Variants in CADPS2 observed in about 807,000 individuals in gnomAD.
The protein encoded by CADPS2 is calcium-dependent secretion activator 2.
A neutral mutation model predicts 172.5 loss-of-function variants in CADPS2; 93 were observed. The ratio of observed to expected loss-of-function variants is 0.54; its 90% confidence interval spans 0.46 to 0.64. The LOEUF is 0.64. Ranked by LOEUF, CADPS2 falls within the 30% of genes least tolerant of loss-of-function variation. The pLI is 0.00. For synonymous variants in CADPS2, 546 were observed against 555.2 expected, an observed-to-expected ratio of 0.98 and a Z score of 0.23; for missense variants, 1,420 against 1,565.9, an observed-to-expected ratio of 0.91 and a Z score of 1.57.
intron 7 of CADPS2, among the ~76,000 whole-genome samples, chr7:122,561,452 T>C (rs1454061686): frequency 6.6e-6 from 1 of 152,118 alleles, no homozygotes; most frequent in African/African-American, 2.4e-5. Context: ...AGATCAAGAT[T>C]AGAAGCTTTG....
chr7:122,516,143 T>A (rs1469631759), intron 8 of CADPS2, among the ~76,000 whole-genome samples: 1 of 152,138 alleles, frequency 6.6e-6, no homozygotes, highest in Non-Finnish European at 1.5e-5. Flanking sequence ...AAGGTAAGCA[T>A]TTAAATGATG....
At chr7:122,577,715 A>C (rs1479715262) in intron 7 of CADPS2, among the ~76,000 whole-genome samples, 1 of 152,146 alleles carries the variant, frequency 6.6e-6, no homozygotes, top group Admixed American at 6.6e-5. Context: ...TCTATGTTTA[A>C]CTTTATACAA....
chr7:122,540,447 TA>T (rs2062796173), intron 8 of CADPS2, among the ~76,000 whole-genome samples: 1 of 152,132 alleles, frequency 6.6e-6, no homozygotes, highest in Non-Finnish European at 1.5e-5. Flanking sequence ...TTCTTAACCA[TA>T]GATCATTTTA....
intron 25 of CADPS2, among the ~76,000 whole-genome samples, chr7:122,377,735 T>A (rs930753217): frequency 2.6e-5 from 4 of 152,106 alleles, no homozygotes; most frequent in African/African-American, 7.2e-5. Context: ...CTTCCCCCCA[T>A]GGTTTTCCTA....
chr7:122,478,988 T>C (rs1287065853), intron 12 of CADPS2, among the ~76,000 whole-genome samples: 3 of 152,120 alleles, frequency 2.0e-5, no homozygotes, highest in African/African-American at 2.4e-5. Flanking sequence ...CAAATTCTTA[T>C]GGTACTGCAT....
At chr7:122,498,382 A>G (rs1300858283) in intron 9 of CADPS2, among the ~76,000 whole-genome samples, 1 of 152,162 alleles carries the variant, frequency 6.6e-6, no homozygotes, top group Non-Finnish European at 1.5e-5. Context: ...ATAATTCATG[A>G]CTATATCAAT....
At chr7:122,823,332 C>T (rs954819625) in intron 1 of CADPS2, among the ~76,000 whole-genome samples, 11 of 152,126 alleles carry the variant, frequency 7.2e-5, no homozygotes, top group South Asian at 2.1e-4. Context: ...TGTATAGATC[C>T]GAGTCTATCT....
chr7:122,635,042 T>G (rs2134308002), intron 3 of CADPS2, among the ~76,000 whole-genome samples: 1 of 152,294 alleles, frequency 6.6e-6, no homozygotes, highest in East Asian at 1.9e-4. Flanking sequence ...ATATTTTGAA[T>G]TTATTGAGAC....
chr7:122,744,534 C>T (rs1483704525), intron 1 of CADPS2, among the ~76,000 whole-genome samples: 1 of 151,980 alleles, frequency 6.6e-6, no homozygotes, highest in African/African-American at 2.4e-5. Flanking sequence ...ATAAACTTGC[C>T]CCAGCGAACA....
chr7:122,582,792 G>A (rs911332451), intron 6 of CADPS2, among the ~76,000 whole-genome samples: 2 of 151,896 alleles, frequency 1.3e-5, no homozygotes, highest in Non-Finnish European at 2.9e-5. Flanking sequence ...TCTTATAACT[G>A]AAATAAAAGA....
intron 7 of CADPS2, among the ~76,000 whole-genome samples, chr7:122,555,591 AT>A (rs1283068305): frequency 1.3e-5 from 2 of 152,050 alleles, no homozygotes; most frequent in African/African-American, 4.8e-5. Flanking sequence ...AGGTATTCTA[AT>A]TTTTTCACAA....
chr7:122,702,107 G>T (rs759923279), intron 2 of CADPS2: 1 of 1,613,606 alleles, frequency 6.2e-7, no homozygotes, highest in East Asian at 2.2e-5. Context: ...GGGCACTCTA[G>T]GTGTAAGTCT....
At chr7:122,406,014 G>C (rs189052235) in intron 20 of CADPS2, among the ~76,000 whole-genome samples, 3 of 152,332 alleles carry the variant, frequency 2.0e-5, no homozygotes, top group Admixed American at 1.3e-4. Context: ...GTGACAGAGA[G>C]ACGTGAATCT....
intron 2 of CADPS2, among the ~76,000 whole-genome samples, chr7:122,726,849 A>G (rs1040769166): frequency 4.6e-5 from 7 of 151,708 alleles, no homozygotes; most frequent in Non-Finnish European, 7.4e-5. Flanking sequence ...ATAGGTGTTC[A>G]AAGAAACATT....
In CADPS2 at chr7:122,401,335, G is replaced by A. The variant is rs535704470; in HGVS notation, c.2746+6205C>T. The stretch of plus-strand genomic sequence containing the variant: ...GGCTGTTAATTAAAGAAGCAGCACC[G>A]TGGTATTTTTCAGTTGGGAACCAGT... On this transcript the variant is annotated intron_variant, in intron 20 of 29. Transcript: ENST00000449022. Among the ~76,000 whole-genome samples the A allele has an allele frequency of 1.8e-4, 27 of 152,304 alleles. 1 individual carries two copies. Among genetic ancestry groups the A allele is most frequent in the Admixed American group, 7.2e-4 (11 of 15,300 alleles).
intron 14 of CADPS2, among the ~76,000 whole-genome samples, chr7:122,453,377 G>A (rs2053377625): frequency 6.6e-6 from 1 of 152,086 alleles, no homozygotes. Flanking sequence ...TTGAGCGAAT[G>A]TTAATACAAA....
rs892417996 is a variant in CADPS2 at position 122,697,673 on chromosome 7, T to C, written c.454-34104A>G. 5 of 816,186 alleles carry C rather than the reference T, an allele frequency of 6.1e-6. No individual in the cohort carries two copies. In the East Asian group the frequency reaches 1.0e-4, roughly 17 times the overall value. 50.6% of individuals were successfully genotyped at this position (816,186 alleles called of 1,614,324 possible). On this transcript the variant is annotated intron_variant, in intron 2 of 29. Coordinates refer to ENST00000449022, the MANE Select transcript of CADPS2 (RefSeq NM_017954.11). ...AGGTTGGACAAAGAATGTATAAAAT[T>C]ACTGAAGTAACAAAAAAGGACACAA...
At chr7:122,521,608 T>C (rs28651256) in intron 8 of CADPS2, among the ~76,000 whole-genome samples, 3,534 of 152,052 alleles carry the variant, frequency 0.023, 126 homozygotes, top group African/African-American at 0.081. Context: ...TGAATTATTA[T>C]GGGAAACAGT....
chr7:122,627,115 G>A (rs1418591021), intron 4 of CADPS2, among the ~76,000 whole-genome samples: 1 of 152,214 alleles, frequency 6.6e-6, no homozygotes, highest in Non-Finnish European at 1.5e-5. Flanking sequence ...CCCAGGCTCT[G>A]GAAGCAAGGC....
Sources: allele counts gnomAD v4.1 joint callset (sites outside exome capture counted in the v4.1 genomes callset), GRCh38; gene constraint gnomAD v4.1.1; transcripts MANE v1.5; gene names NCBI Gene and HGNC (gene_info 2026-07-23, HGNC 2026-07-21).